The following ABCC4 variants were observed in gnomAD, a reference collection of about 807,000 sequenced individuals.
ABCC4 encodes the protein ATP-binding cassette sub-family C member 4.
In ABCC4, 102 loss-of-function variants were observed where a neutral mutation model predicts 168.5. That is an observed-to-expected ratio of 0.61 (90% CI 0.52 to 0.71). The LOEUF is 0.71. Among genes scored for constraint, ABCC4 ranks in the 30% least tolerant of loss-of-function variants. ABCC4 has a pLI of 0.00. For missense variants in ABCC4, 1,402 were observed against 1,605.8 expected (o/e 0.87, Z 2.17); for synonymous variants, 617 against 590.7 (o/e 1.04, Z -0.65).
chr13:95,068,728 T>A (rs2033630715), intron 25 of ABCC4, among the ~76,000 whole-genome samples: 1 of 152,196 alleles, frequency 6.6e-6, no homozygotes. Context: ...TGGAACGATA[T>A]CAATGTGGGG....
At chr13:95,178,426 T>C (rs78293431) in intron 11 of ABCC4, among the ~76,000 whole-genome samples, 1 of 152,208 alleles carries the variant, frequency 6.6e-6, no homozygotes, top group Non-Finnish European at 1.5e-5. Flanking sequence ...CAATAAAAGA[T>C]TGACACAAAT....
intron 8 of ABCC4, among the ~76,000 whole-genome samples, chr13:95,196,676 GGAAGGAAGGAAGGAAGGAAGGAAGGAA>G (rs2038454437): frequency 5.4e-5 from 2 of 37,194 alleles, no homozygotes; most frequent in Admixed American, 3.0e-4. Context: ...AAGGAAGGAA[GGAAGGAAGGAAGGAAGGAAGGAAGGAA>G]GGAAGGAAGG....
chr13:95,272,617 G>A (rs2040873242), intron 1 of ABCC4, among the ~76,000 whole-genome samples: 1 of 152,102 alleles, frequency 6.6e-6, no homozygotes, highest in Non-Finnish European at 1.5e-5. Context: ...GCCGGGCACG[G>A]TGGCTCACGC....
At chr13:95,194,124 C>T (rs991983107) in intron 9 of ABCC4, among the ~76,000 whole-genome samples, 4 of 152,188 alleles carry the variant, frequency 2.6e-5, no homozygotes, top group Non-Finnish European at 5.9e-5. Context: ...GGAGATGCAC[C>T]GAGCCTCAGT....
Position 95,285,968 on chromosome 13 carries a change from A to T in ABCC4, c.74+15273T>A, listed in dbSNP as rs138695171. On this transcript the variant is annotated intron_variant, in intron 1 of 30. Coordinates refer to ENST00000645237, the MANE Select transcript of ABCC4 (RefSeq NM_005845.5). ...ACTGACCAACTACCTTTTATCACTGACCAGACTCTTCCCTACGTGCAGATA... is the reference window on the plus strand; with the variant it reads ...ACTGACCAACTACCTTTTATCACTGTCCAGACTCTTCCCTACGTGCAGATA... Among the ~76,000 whole-genome samples, 911 of 152,100 alleles carry T rather than the reference A, an allele frequency of 6.0e-3. 9 individuals carry two copies. The highest frequency in any genetic ancestry group is 0.021 in the African/African-American group (864 of 41,490).
intron 19 of ABCC4, among the ~76,000 whole-genome samples, chr13:95,142,790 C>T (rs893891761): frequency 6.6e-6 from 1 of 152,046 alleles, no homozygotes; most frequent in African/African-American, 2.4e-5. Context: ...CTTGTGAAGA[C>T]TAAATTAGAA....
intron 20 of ABCC4, among the ~76,000 whole-genome samples, chr13:95,111,273 T>G (rs1250128661): frequency 6.6e-6 from 1 of 152,192 alleles, no homozygotes; most frequent in Non-Finnish European, 1.5e-5. Flanking sequence ...CTGTTACAAG[T>G]TTTGAAAAAG....
chr13:95,250,951 C>A (rs1001391040), intron 1 of ABCC4, among the ~76,000 whole-genome samples: 1 of 151,774 alleles, frequency 6.6e-6, no homozygotes, highest in South Asian at 2.1e-4. Context: ...CTGTGCCTGG[C>A]TAATATTTTT....
intron 26 of ABCC4, among the ~76,000 whole-genome samples, chr13:95,060,637 T>C (rs1485732641): frequency 6.6e-6 from 1 of 152,244 alleles, no homozygotes; most frequent in Non-Finnish European, 1.5e-5. Flanking sequence ...TAAGTCATGC[T>C]TCTAATAGCC....
chr13:95,213,219 T>C (rs1324272360), intron 4 of ABCC4, among the ~76,000 whole-genome samples: 3 of 151,008 alleles, frequency 2.0e-5, no homozygotes, highest in Non-Finnish European at 4.4e-5. Context: ...CCTGGAAAAC[T>C]GTAACGTTGG....
At chr13:95,249,026 G>C (rs2040188262) in intron 1 of ABCC4, among the ~76,000 whole-genome samples, 10 of 152,146 alleles carry the variant, frequency 6.6e-5, no homozygotes, top group Admixed American at 6.5e-4. Flanking sequence ...GGGCAACAGA[G>C]TGAGACTATC....
intron 19 of ABCC4, among the ~76,000 whole-genome samples, chr13:95,141,055 C>T (rs147069094): frequency 1.2e-3 from 178 of 152,266 alleles, no homozygotes; most frequent in African/African-American, 4.1e-3. Context: ...CCCAATCTCT[C>T]GGGCAGTCAT....
At chr13:95,060,225 A>G (rs1301772595) in intron 26 of ABCC4, among the ~76,000 whole-genome samples, 1 of 152,234 alleles carries the variant, frequency 6.6e-6, no homozygotes, top group Non-Finnish European at 1.5e-5. Flanking sequence ...AAAGCTTAGC[A>G]GTGTTTTGTA....
At chr13:95,169,391 C>T (rs1566486280) in intron 14 of ABCC4, among the ~76,000 whole-genome samples, 1 of 152,198 alleles carries the variant, frequency 6.6e-6, no homozygotes, top group Non-Finnish European at 1.5e-5. Flanking sequence ...AACCATGTCA[C>T]TCCACTGCTC....
chr13:95,242,924 T>G (rs2039986085), intron 3 of ABCC4, among the ~76,000 whole-genome samples: 1 of 152,172 alleles, frequency 6.6e-6, no homozygotes, highest in Non-Finnish European at 1.5e-5. Flanking sequence ...GGGAAGAGCT[T>G]TAGCTCCCTG....
chr13:95,288,003 C>T (rs1394466639), intron 1 of ABCC4, among the ~76,000 whole-genome samples: 1 of 151,476 alleles, frequency 6.6e-6, no homozygotes, highest in East Asian at 2.0e-4. Flanking sequence ...AATCGCACCA[C>T]TGCACTCCAG....
chr13:95,186,659 AC>A (rs2038070773), intron 11 of ABCC4, 41 bp downstream of exon 11: 1 of 1,567,396 alleles, frequency 6.4e-7, no homozygotes, highest in South Asian at 1.2e-5. Flanking sequence ...CACTAGTATT[AC>A]TGGACATTCG....
intron 4 of ABCC4, among the ~76,000 whole-genome samples, chr13:95,225,507 T>C (rs750017354): frequency 6.6e-6 from 1 of 151,884 alleles, no homozygotes; most frequent in Non-Finnish European, 1.5e-5. Flanking sequence ...CCGTCTCTAC[T>C]AAAAATACAA....
chr13:95,257,919 CTTTAA>C (rs774060580), intron 1 of ABCC4, among the ~76,000 whole-genome samples: 4 of 152,150 alleles, frequency 2.6e-5, no homozygotes, highest in South Asian at 4.1e-4. Flanking sequence ...ATATGAGTGT[CTTTAA>C]TTTAAGACAT....
Sources: allele counts gnomAD v4.1 joint callset (sites outside exome capture counted in the v4.1 genomes callset), GRCh38; gene constraint gnomAD v4.1.1; transcripts MANE v1.5; gene names NCBI Gene and HGNC (gene_info 2026-07-23, HGNC 2026-07-21).